Variants in AGO2 observed in about 807,000 individuals in gnomAD.
The protein encoded by AGO2 is protein argonaute-2.
In AGO2, 5 loss-of-function variants were observed where a neutral mutation model predicts 102.3. The ratio of observed to expected loss-of-function variants is 0.05; its 90% CI spans 0.03 to 0.10. The LOEUF is 0.10. AGO2 is among the 10% of genes least tolerant of loss of function. The pLI is 1.00. For missense variants in AGO2, 541 were observed against 1,183.7 expected (o/e 0.46, Z 7.97); for synonymous variants, 449 against 473.1 (o/e 0.95, Z 0.66).
At position 140,528,768 on chromosome 8, in the gene AGO2, T is replaced by C. The variant is rs1234080649; in HGVS notation, c.*3276A>G. 1 of 152,148 alleles carries C rather than the reference T, an allele frequency of 6.6e-6. No individual in the cohort carries two copies. The highest frequency in any genetic ancestry group is 6.5e-5 in the Admixed American group (1 of 15,280). The allele number at this position is 152,148 out of a possible 1,614,324, so 9.4% of individuals were successfully genotyped here. On this transcript the variant is annotated 3_prime_UTR_variant, in exon 19 of 19. Coordinates refer to ENST00000220592, the MANE Select transcript of AGO2 (RefSeq NM_012154.5). This position sits in a 1 kb window ranked among gnomAD's most constrained non-coding sequence, Gnocchi z 4.5. The stretch of plus-strand genomic sequence containing the variant: ...GCTATGCCCAGTTTTACAAAATTTA[T>C]CCAAACCAGGAAAATCTGAGCTTAG...
chr8:140,623,820 C>A (rs566974369), intron 1 of AGO2, among the ~76,000 whole-genome samples: 1 of 152,094 alleles, frequency 6.6e-6, no homozygotes, highest in African/African-American at 2.4e-5. Context: ...GGCCCCAGGG[C>A]GGGATGGCTG....
chr8:140,625,600 C>T (rs1042432953), intron 1 of AGO2, among the ~76,000 whole-genome samples: 1 of 152,190 alleles, frequency 6.6e-6, no homozygotes, highest in African/African-American at 2.4e-5. Context: ...ATGAACGGGC[C>T]TCACCCCCGG....
intron 1 of AGO2, among the ~76,000 whole-genome samples, chr8:140,615,152 G>T (rs2074124869): frequency 6.6e-6 from 1 of 152,238 alleles, no homozygotes; most frequent in Non-Finnish European, 1.5e-5. Flanking sequence ...TTGGGAGGCT[G>T]AGATGGGAGG....
At chr8:140,542,041 T>A (rs2072808497) in intron 14 of AGO2, among the ~76,000 whole-genome samples, 1 of 152,028 alleles carries the variant, frequency 6.6e-6, no homozygotes, top group African/African-American at 2.4e-5. Context: ...TACAAGCACA[T>A]CAACAGCATC....
intron 1 of AGO2, among the ~76,000 whole-genome samples, chr8:140,631,102 C>A (rs569448049): frequency 6.6e-6 from 1 of 152,254 alleles, no homozygotes; most frequent in South Asian, 2.1e-4. Context: ...AGAATTAAAA[C>A]CATGAGCAAC....
intron 1 of AGO2, among the ~76,000 whole-genome samples, chr8:140,596,820 G>A (rs76584025): frequency 0.013 from 1,940 of 152,290 alleles, 50 homozygotes; most frequent in African/African-American, 0.045. Flanking sequence ...AAGTGGCCGG[G>A]GTGGGGGACG....
rs142851082 is a variant in AGO2, at chr8:140,565,789, G to C, written c.337-3155C>G. Among the ~76,000 whole-genome samples, 1,156 of 152,214 alleles carry C rather than the reference G, an allele frequency of 7.6e-3. 11 individuals carry two copies. Among genetic ancestry groups the C allele is most frequent in the Middle Eastern group, 0.061 (18 of 294 alleles). ...AGTTTACGTTTTGGGGGAGTCAAAA[G>C]TCATACATAGCTAGGTGCAGTGGTT... On this transcript the variant is annotated intron_variant, in intron 3 of 18. Transcript: ENST00000220592.
chr8:140,633,783 G>A (rs755903204), intron 1 of AGO2, among the ~76,000 whole-genome samples: 1 of 152,208 alleles, frequency 6.6e-6, no homozygotes, highest in Non-Finnish European at 1.5e-5. Flanking sequence ...ACTCACTGCT[G>A]TGTGACCTTG....
At chr8:140,638,406 G>C (rs1042284562), upstream of AGO2, 1 of 152,214 alleles carries the variant, frequency 6.6e-6, no homozygotes, top group East Asian at 1.9e-4. Flanking sequence ...AAGGTGAGAA[G>C]AATCATGCTT....
At chr8:140,542,611 C>T (rs753980974) in intron 14 of AGO2, among the ~76,000 whole-genome samples, 1 of 151,790 alleles carries the variant, frequency 6.6e-6, no homozygotes, top group African/African-American at 2.4e-5. Context: ...CTCCAAAAGC[C>T]CAAGATATAG....
chr8:140,550,459 G>A (rs971596401), intron 11 of AGO2, among the ~76,000 whole-genome samples: 2 of 152,216 alleles, frequency 1.3e-5, no homozygotes, highest in African/African-American at 4.8e-5. Context: ...CTGGGTGAGG[G>A]CAGGCCCTTC....
chr8:140,550,709 C>T (rs767380191), intron 11 of AGO2, among the ~76,000 whole-genome samples: 6 of 152,258 alleles, frequency 3.9e-5, no homozygotes, highest in South Asian at 2.1e-4. Flanking sequence ...CTCCACCTCC[C>T]GGGTTCAAGC....
chr8:140,556,356 C>T, intron 8 of AGO2, 70 bp from the exon 9 acceptor site: 2 of 1,586,720 alleles, frequency 1.3e-6, no homozygotes, highest in Non-Finnish European at 1.7e-6. Context: ...GCAGGGGGCT[C>T]AGGGGCTGGT....
At chr8:140,568,530 C>T (rs1296724764) in intron 3 of AGO2, among the ~76,000 whole-genome samples, 4 of 152,142 alleles carry the variant, frequency 2.6e-5, no homozygotes, top group Non-Finnish European at 4.4e-5. Context: ...GCAGGAAGAG[C>T]GACCACACCC....
intron 2 of AGO2, among the ~76,000 whole-genome samples, chr8:140,582,087 A>T (rs1315650703): frequency 6.6e-6 from 1 of 152,268 alleles, no homozygotes; most frequent in Non-Finnish European, 1.5e-5. Flanking sequence ...GCAGAAATTG[A>T]TAAGTTATTT....
intron 1 of AGO2, among the ~76,000 whole-genome samples, chr8:140,598,054 A>G (rs2133045576): frequency 6.6e-6 from 1 of 152,222 alleles, no homozygotes; most frequent in African/African-American, 2.4e-5. Context: ...TGAGCTTACT[A>G]TTGTACAAGA....
chr8:140,580,382 G>A (rs896562364), intron 2 of AGO2, among the ~76,000 whole-genome samples: 3 of 152,196 alleles, frequency 2.0e-5, no homozygotes, highest in Non-Finnish European at 4.4e-5. Context: ...ACATCTACCC[G>A]GGGCATTGTA....
At chr8:140,616,701 G>C (rs1048405881) in intron 1 of AGO2, among the ~76,000 whole-genome samples, 3 of 152,224 alleles carry the variant, frequency 2.0e-5, no homozygotes, top group South Asian at 2.1e-4. Flanking sequence ...TGGGAGTCCA[G>C]GGCCTCGGTG....
At chr8:140,580,117 G>T (rs1027592649) in intron 2 of AGO2, among the ~76,000 whole-genome samples, 2 of 152,214 alleles carry the variant, frequency 1.3e-5, no homozygotes, top group South Asian at 2.1e-4. Flanking sequence ...ATTCTTTCTC[G>T]GGGCTGGCTC....
Sources: gnomAD v4.1 joint callset for allele counts (sites outside exome capture counted in the v4.1 genomes callset) on GRCh38, gnomAD v4.1.1 for gene constraint, Gnocchi (gnomAD v3.1) non-coding constraint, MANE v1.5 for transcripts, NCBI Gene and HGNC (gene_info 2026-07-23, HGNC 2026-07-21) for gene names.